The following RRM1 variants were observed in gnomAD, a reference collection of about 807,000 sequenced individuals.
RRM1 encodes ribonucleotide reductase catalytic subunit M1.
RRM1 carries 19 observed loss-of-function variants against 101.5 expected under a neutral mutation model. The ratio of observed to expected loss-of-function variants is 0.19; its 90% confidence interval spans 0.13 to 0.27. The LOEUF (loss-of-function observed/expected upper bound fraction) is 0.27, where lower values mean the gene tolerates loss of function less well. Ranked by LOEUF, RRM1 falls within the 10% of genes least tolerant of loss-of-function variation. RRM1 has a pLI of 1.00. For synonymous variants in RRM1, 298 were observed against 323.4 expected, an observed-to-expected ratio of 0.92 and a Z score of 0.84; for missense variants, 500 against 962.9, an observed-to-expected ratio of 0.52 and a Z score of 6.36.
chr11:4,135,063 T>A lies in RRM1; in HGVS notation c.2002-19T>A. ...TTCTTTAACTGGAGTAAAGTAAACA[T>A]TGGGTTTTCCTTCTTTAGAGCATAC... On this transcript the variant is annotated intron_variant, in intron 17 of 18. Coordinates refer to ENST00000300738, the MANE Select transcript of RRM1 (RefSeq NM_001033.5). The A allele has an allele frequency of 6.4e-7, 1 of 1,572,824 alleles. No homozygotes were observed.
At chr11:4,126,598 G>A in intron 12 of RRM1, 86 bp from the exon 13 acceptor site, 2 of 1,241,010 alleles carry the variant, frequency 1.6e-6, no homozygotes, top group South Asian at 3.0e-5. Context: ...TAATGTCTGA[G>A]TATTAGAGGC....
In RRM1 at chr11:4,099,295, A is replaced by ATTTTTTTTTTTTTTTTTTTTTTTTT. The variant is rs34579912; in HGVS notation, c.20-2679_20-2678insTTTTTTTTTTTTTTTTTTTTTTTTT. ...GCTGGGATTACAGCATACCCAGCTAATTTTTTTTTTTTTTTTTTTGTATTT... is the reference window on the plus strand; with the variant it reads ...GCTGGGATTACAGCATACCCAGCTAATTTTTTTTTTTTTTTTTTTTTTTTTTTTTTTTTTTTTTTTTTTTGTATTT... On this transcript the variant is annotated intron_variant, in intron 1 of 18. Coordinates refer to ENST00000300738, the MANE Select transcript of RRM1 (RefSeq NM_001033.5). 1.9e-4 allele frequency: 15 copies of ATTTTTTTTTTTTTTTTTTTTTTTTT among 76,976 alleles called. 1 individual carries two copies. The highest frequency in any genetic ancestry group is 4.3e-4 in the East Asian group (1 of 2,336). The allele number at this position is 76,976 out of a possible 1,614,324, so 4.8% of individuals were successfully genotyped here.
At position 4,125,797 on chromosome 11, in the gene RRM1, T is replaced by G. The variant is rs181869926; in HGVS notation, c.1321-887T>G. On this transcript the variant is annotated intron_variant, in intron 12 of 18. Coordinates refer to ENST00000300738, the MANE Select transcript of RRM1 (RefSeq NM_001033.5). ...ACTCTCTGTCTTCTTTTCCTGCCTA[T>G]TTTTCTTCCTGGCATTTATTAGACT... Among the ~76,000 whole-genome samples the G allele has an allele frequency of 3.9e-4, 59 of 152,308 alleles. 1 individual carries two copies. Among genetic ancestry groups the G allele is most frequent in the African/African-American group, 1.3e-3 (55 of 41,566 alleles).
In RRM1 at chr11:4,106,039, TTTG is replaced by T; in HGVS notation, c.109-5_109-3del. The T allele has an allele frequency of 1.2e-6, 2 of 1,604,580 alleles. No individual in the cohort carries two copies. Among genetic ancestry groups the T allele is most frequent in the Non-Finnish European group, 1.7e-6 (2 of 1,177,418 alleles). ...AGCTCAAGTAATTCTTGGTTTTATT[TTTG>T]TAGGCTCAGATCACCATGAAAGTAA... On this transcript the variant is annotated splice_polypyrimidine_tract_variant and splice_region_variant and intron_variant, in intron 2 of 18. Transcript: ENST00000300738.
chr11:4,116,321 A>G (rs899833797), intron 7 of RRM1: 1 of 152,244 alleles, frequency 6.6e-6, no homozygotes, highest in Non-Finnish European at 1.5e-5. Flanking sequence ...TGAACCAAAA[A>G]CGAAGTCAAA....
intron 11 of RRM1, 29 bp downstream of exon 11, chr11:4,122,249 AAT>A: frequency 6.9e-7 from 1 of 1,459,738 alleles, no homozygotes; most frequent in South Asian, 1.2e-5. Context: ...AGAAAACAAT[AAT>A]GTTTTAATCA....
chr11:4,104,088 G>A (rs939810103), intron 2 of RRM1, among the ~76,000 whole-genome samples: 5 of 152,012 alleles, frequency 3.3e-5, no homozygotes, highest in African/African-American at 1.2e-4. Flanking sequence ...TCCAGCACAG[G>A]CCACAGAATG....
intron 7 of RRM1, among the ~76,000 whole-genome samples, chr11:4,112,864 G>A (rs1468400187): frequency 1.3e-5 from 2 of 152,202 alleles, no homozygotes; most frequent in Non-Finnish European, 1.5e-5. Flanking sequence ...CACTTTGGAA[G>A]GCTGAGGTGG....
chr11:4,124,084 T>C (rs1247694385), intron 12 of RRM1, among the ~76,000 whole-genome samples: 2 of 152,032 alleles, frequency 1.3e-5, no homozygotes, highest in Non-Finnish European at 2.9e-5. Flanking sequence ...ATGGTGCAAG[T>C]AGATTAATTA....
intron 15 of RRM1, 143 bp downstream of exon 15, chr11:4,129,293 T>C (rs902437989): frequency 1.9e-6 from 1 of 521,842 alleles, no homozygotes. Flanking sequence ...CACAAAACTA[T>C]TTTGGGAAAA....
rs1308911293 is a variant in RRM1, at chr11:4,138,279, G to C, written c.2275G>C (p.Asp759His). Residue 759 changes from aspartate to histidine, a missense_variant, in exon 19 of 19, where the codon GAT (aspartate) becomes CAT (histidine). Asp to His is a moderately conservative substitution (Grantham distance 81). Around this residue, in one of 9 missense-constraint regions of RRM1, gnomAD observed 33 missense variants for 40.7 expected, o/e 0.81. Transcript: ENST00000300738. ...QFTLNKEKLK[D>H]KEKVSKEEEE... Reference sequence around the variant, plus strand: ...CACTCTAAATAAGGAGAAGCTAAAAGATAAAGAAAAGGTATCAAAAGAGGA... The same window carrying C: ...CACTCTAAATAAGGAGAAGCTAAAACATAAAGAAAAGGTATCAAAAGAGGA... The C allele has an allele frequency of 1.2e-6, 2 of 1,611,184 alleles. No individual in the cohort carries two copies. The highest frequency in any genetic ancestry group is 2.2e-5 in the East Asian group (1 of 44,824).
intron 3 of RRM1, 38 bp downstream of exon 3, chr11:4,106,261 C>T (rs1238051029): frequency 2.0e-6 from 3 of 1,507,762 alleles, no homozygotes; most frequent in Non-Finnish European, 9.2e-7. Context: ...TTAGTACTCT[C>T]AGAAAAGTAA....
intron 7 of RRM1, among the ~76,000 whole-genome samples, chr11:4,117,457 A>G (rs1192011962): frequency 6.6e-6 from 1 of 152,252 alleles, no homozygotes; most frequent in African/African-American, 2.4e-5. Context: ...CCTTATAGCA[A>G]TGAAAATAAA....
intron 7 of RRM1, among the ~76,000 whole-genome samples, chr11:4,117,926 T>C (rs2094575978): frequency 6.6e-6 from 1 of 152,190 alleles, no homozygotes; most frequent in Admixed American, 6.5e-5. Context: ...ATTGGAGAGA[T>C]TATTTTCATA....
intron 17 of RRM1, among the ~76,000 whole-genome samples, chr11:4,134,830 T>G (rs554462544): frequency 1.4e-4 from 21 of 152,258 alleles, no homozygotes; most frequent in Non-Finnish European, 2.9e-4. Context: ...AAAAAATTGG[T>G]TTATGACCAA....
rs567621809 is a variant in RRM1, at chr11:4,134,010, G to A, written c.2001+352G>A. On this transcript the variant is annotated intron_variant, in intron 17 of 18. Transcript: ENST00000300738. ...TTTTTTTTTTTTTTTTTTTTGAGAC[G>A]AAGTCTCTGTCGCCCAGGCTGGAGT... is the stretch of plus-strand genomic sequence containing the variant. 1.5e-3 allele frequency among the ~76,000 whole-genome samples: 133 copies of A among 87,980 alleles called. 1 individual carries two copies. The highest frequency in any genetic ancestry group is 6.2e-3 in the African/African-American group (124 of 19,966). The allele number at this position is 87,980 out of a possible 152,430, so 57.7% of individuals were successfully genotyped here.
intron 1 of RRM1, among the ~76,000 whole-genome samples, chr11:4,097,825 T>A (rs538787792): frequency 6.6e-6 from 1 of 152,360 alleles, no homozygotes; most frequent in East Asian, 1.9e-4. Flanking sequence ...AATATGCTAA[T>A]GTCTTGCTAA....
In RRM1 at chr11:4,132,230, C is replaced by T; in HGVS notation, c.1770-56C>T. ...TTACTACAGTGACTTAAAGTAGCTG[C>T]TTTCCTGGCAGATTGTAGCTTTGGG... On this transcript the variant is annotated intron_variant, in intron 15 of 18. Coordinates refer to ENST00000300738, the MANE Select transcript of RRM1 (RefSeq NM_001033.5). This position sits in a 1 kb window ranked among gnomAD's most constrained non-coding sequence, Gnocchi z 4.1. 1 of 1,580,474 alleles carries T rather than the reference C, an allele frequency of 6.3e-7. No homozygotes were observed. Among genetic ancestry groups the T allele is most frequent in the Non-Finnish European group, 8.7e-7 (1 of 1,150,794 alleles).
Position 4,105,578 on chromosome 11 carries a change from C to CTTTTT in RRM1, c.109-452_109-448dup, listed in dbSNP as rs55705631. ...ATTTGATTGTTTTCTTTTTTCTTTCCTTTTTTTTTTTTTTTTTTTTGAGAC... is the reference window on the plus strand; with the variant it reads ...ATTTGATTGTTTTCTTTTTTCTTTCCTTTTTTTTTTTTTTTTTTTTTTTTTGAGAC... On this transcript the variant is annotated intron_variant, in intron 2 of 18. Coordinates refer to ENST00000300738, the MANE Select transcript of RRM1 (RefSeq NM_001033.5). 2,438 of 280,584 alleles carry CTTTTT rather than the reference C, an allele frequency of 8.7e-3. 7 individuals are homozygous for CTTTTT. The highest frequency in any genetic ancestry group is 0.015 in the South Asian group (601 of 40,328). The allele number at this position is 280,584 out of a possible 1,614,324, so 17.4% of individuals were successfully genotyped here.
Sources: gnomAD v4.1 joint callset for allele counts (sites outside exome capture counted in the v4.1 genomes callset) on GRCh38, gnomAD v4.1.1 for gene constraint, gnomAD v4.1.1 regional missense constraint, Gnocchi (gnomAD v3.1) non-coding constraint, MANE v1.5 for transcripts, NCBI Gene and HGNC (gene_info 2026-07-23, HGNC 2026-07-21) for gene names.